The following WASF2 variants were observed in gnomAD, a reference collection of about 807,000 sequenced individuals.
WASF2 encodes the protein WASP family member 2.
In WASF2, 14 loss-of-function variants were observed where a neutral mutation model predicts 45.0. The observed-to-expected ratio is 0.31, with a 90% CI of 0.21 to 0.49. WASF2 has a LOEUF of 0.49. Among genes scored for constraint, WASF2 ranks in the 20% least tolerant of loss-of-function variants. WASF2 has a pLI of 0.99. For missense variants in WASF2, 439 were observed against 636.1 expected (o/e 0.69, Z 3.33); for synonymous variants, 200 against 236.3 (o/e 0.85, Z 1.41).
chr1:27,443,610 C>A (rs1027199487), intron 1 of WASF2, among the ~76,000 whole-genome samples: 2 of 151,752 alleles, frequency 1.3e-5, no homozygotes, highest in Admixed American at 6.6e-5. Flanking sequence ...CAAAACTCCA[C>A]CTCAAAAAAC....
chr1:27,463,481 C>T lies in WASF2; in HGVS notation c.-44+26505G>A, dbSNP rs941575110. On this transcript the variant is annotated intron_variant, in intron 1 of 8. Coordinates refer to ENST00000618852, the MANE Select transcript of WASF2 (RefSeq NM_006990.5). ...TCTAGAAAAAATACAAAAAATCAGC[C>T]GAGTGGTGGCGGGTGCCTGTAGTCC... Among the ~76,000 whole-genome samples the T allele has an allele frequency of 5.9e-5, 9 of 151,580 alleles. No individual in the cohort carries two copies. The East Asian group carries it at 1.4e-3, about 23-fold the overall frequency.
chr1:27,415,227 C>A (rs556283519), intron 5 of WASF2, among the ~76,000 whole-genome samples: 14 of 152,322 alleles, frequency 9.2e-5, no homozygotes, highest in African/African-American at 3.4e-4. Context: ...AACTCATTCA[C>A]ATTTTTGAAA....
intron 2 of WASF2, among the ~76,000 whole-genome samples, chr1:27,420,341 T>C (rs2016888147): frequency 6.6e-6 from 1 of 152,104 alleles, no homozygotes; most frequent in Non-Finnish European, 1.5e-5. Context: ...CACAATGTCT[T>C]GTTTTTTAGA....
intron 1 of WASF2, among the ~76,000 whole-genome samples, chr1:27,450,695 C>A (rs2017373328): frequency 6.6e-6 from 1 of 152,030 alleles, no homozygotes; most frequent in Non-Finnish European, 1.5e-5. Context: ...GACGGGGTTT[C>A]TCCATGTTGC....
intron 1 of WASF2, among the ~76,000 whole-genome samples, chr1:27,437,322 G>GTT (rs2017150948): frequency 6.6e-6 from 1 of 152,148 alleles, no homozygotes; most frequent in African/African-American, 2.4e-5. Context: ...CATTTAAACT[G>GTT]TGAGTTGGAA....
At chr1:27,428,621 G>T in intron 2 of WASF2, 140 bp downstream of exon 2, 1 of 1,256,690 alleles carries the variant, frequency 8.0e-7, no homozygotes, top group Non-Finnish European at 1.1e-6. Flanking sequence ...CCTCTCTTTG[G>T]GGAGGAGAGG....
intron 1 of WASF2, among the ~76,000 whole-genome samples, chr1:27,454,151 G>A (rs112578779): frequency 3.7e-5 from 3 of 81,064 alleles, no homozygotes; most frequent in African/African-American, 1.6e-4. Context: ...GTGTGTGTGT[G>A]TGTATATATA....
chr1:27,442,164 T>C (rs963431034), intron 1 of WASF2, among the ~76,000 whole-genome samples: 3 of 151,602 alleles, frequency 2.0e-5, no homozygotes, highest in Non-Finnish European at 2.9e-5. Flanking sequence ...CTGGGCAACA[T>C]AGAAAGACCC....
Position 27,453,846 on chromosome 1 carries a change from G to A in WASF2, c.-43-24913C>T, listed in dbSNP as rs547260262. Among the ~76,000 whole-genome samples, 8 of 151,146 alleles carry A rather than the reference G, an allele frequency of 5.3e-5. No homozygotes were observed. In the East Asian group the frequency reaches 9.8e-4, roughly 19 times the overall value. ...AGAGGTTGCAGTGAGCTGGGATCAC[G>A]CCACTGCACTCCAGCCTGGGCAACA... On this transcript the variant is annotated intron_variant, in intron 1 of 8. Coordinates refer to ENST00000618852, the MANE Select transcript of WASF2 (RefSeq NM_006990.5).
intron 1 of WASF2, among the ~76,000 whole-genome samples, chr1:27,447,859 T>C (rs1372697994): frequency 6.6e-6 from 1 of 152,236 alleles, no homozygotes; most frequent in Non-Finnish European, 1.5e-5. Context: ...AAAATATATC[T>C]TATTAGGCCA....
intron 1 of WASF2, among the ~76,000 whole-genome samples, chr1:27,484,310 T>G (rs2017894188): frequency 6.6e-6 from 1 of 152,222 alleles, no homozygotes; most frequent in African/African-American, 2.4e-5. Context: ...TAGAGGCCCT[T>G]GGCCATTTAA....
In WASF2 at chr1:27,414,557, T is replaced by C. The variant is rs1317470376; in HGVS notation, c.668+276A>G. On this transcript the variant is annotated intron_variant, in intron 6 of 8. Transcript: ENST00000618852. The surrounding 1 kb of genome is among the most constrained non-coding windows in gnomAD (Gnocchi z 4.1). ...TTTCCAATCTTTCCTCTGGGGCCCT[T>C]AGATGTGTATCTCGCAGAGTAAGGG... 6.6e-6 allele frequency among the ~76,000 whole-genome samples: 1 copy of C among 152,180 alleles called. No individual in the cohort carries two copies. Among genetic ancestry groups the C allele is most frequent in the African/African-American group, 2.4e-5 (1 of 41,448 alleles).
chr1:27,476,630 A>AT (rs2017770333), intron 1 of WASF2, among the ~76,000 whole-genome samples: 1 of 152,230 alleles, frequency 6.6e-6, no homozygotes, highest in Non-Finnish European at 1.5e-5. Flanking sequence ...AAAAGAGCAA[A>AT]TAAGTAGACT....
At chr1:27,486,917 T>TAA (rs996005609) in intron 1 of WASF2, among the ~76,000 whole-genome samples, 13 of 148,898 alleles carry the variant, frequency 8.7e-5, no homozygotes, top group Non-Finnish European at 1.5e-4. Context: ...GATATATATA[T>TAA]AATATATAGA....
At chr1:27,470,107 T>A (rs1416916078) in intron 1 of WASF2, among the ~76,000 whole-genome samples, 1 of 152,188 alleles carries the variant, frequency 6.6e-6, no homozygotes, top group Non-Finnish European at 1.5e-5. Context: ...ACAGACAGTG[T>A]CAGCAGAAGC....
chr1:27,410,278 C>T lies in WASF2; in HGVS notation c.825-72G>A. ...GACACCTATCTACAGTTAGCCTTGTCTACAGACCGAGGTTTATCTTGGTTG... is the reference window on the plus strand; with the variant it reads ...GACACCTATCTACAGTTAGCCTTGTTTACAGACCGAGGTTTATCTTGGTTG... On this transcript the variant is annotated intron_variant, in intron 7 of 8. Coordinates refer to ENST00000618852, the MANE Select transcript of WASF2 (RefSeq NM_006990.5). The surrounding 1 kb of genome is among the most constrained non-coding windows in gnomAD (Gnocchi z 4.2). 1 of 1,579,980 alleles carries T rather than the reference C, an allele frequency of 6.3e-7. No homozygotes were observed. Among genetic ancestry groups the T allele is most frequent in the Non-Finnish European group, 8.6e-7 (1 of 1,158,202 alleles).
intron 1 of WASF2, among the ~76,000 whole-genome samples, chr1:27,449,541 G>A (rs1390004785): frequency 6.6e-6 from 1 of 151,932 alleles, no homozygotes; most frequent in East Asian, 1.9e-4. Flanking sequence ...GGAGGTTGCA[G>A]TGAGCTGAGA....
At position 27,404,291 on chromosome 1, in the gene WASF2, A is replaced by AT. The variant is rs933828524; in HGVS notation, c.*3897dup. On this transcript the variant is annotated 3_prime_UTR_variant, in exon 9 of 9. Transcript: ENST00000618852. ...TGTTGGCATTTAAGTATTCATGTGT[A>AT]TACAGTTACATGGAACCTTCAGGTC... The AT allele has an allele frequency of 7.9e-5, 12 of 152,232 alleles. No individual in the cohort carries two copies. The highest frequency in any genetic ancestry group is 2.9e-4 in the African/African-American group (12 of 41,462). The allele number at this position is 152,232 out of a possible 1,614,324, so 9.4% of individuals were successfully genotyped here.
In WASF2 at chr1:27,468,628, C is replaced by T. The variant is rs1362375365; in HGVS notation, c.-44+21358G>A. On this transcript the variant is annotated intron_variant, in intron 1 of 8. Transcript: ENST00000618852. The stretch of plus-strand genomic sequence containing the variant: ...TGCACTCCAGCCTGGGCGACAAGAG[C>T]GAAACTCCGTCTCCGGGGAAAAAAA... Among the ~76,000 whole-genome samples the T allele has an allele frequency of 2.8e-5, 4 of 143,078 alleles. No individual in the cohort carries two copies. In the East Asian group the frequency reaches 6.3e-4, roughly 22 times the overall value. The allele number at this position is 143,078 out of a possible 152,430, so 93.9% of individuals were successfully genotyped here. A position where few individuals can be genotyped will look rare whatever the true frequency, so the allele number is the denominator to read the frequency against.
Sources: gnomAD v4.1 joint callset for allele counts (sites outside exome capture counted in the v4.1 genomes callset) on GRCh38, gnomAD v4.1.1 for gene constraint, Gnocchi (gnomAD v3.1) non-coding constraint, MANE v1.5 for transcripts, NCBI Gene and HGNC (gene_info 2026-07-23, HGNC 2026-07-21) for gene names.